SPTBN2: variants seen among roughly 807,000 people sequenced by gnomAD.
SPTBN2 encodes the protein spectrin beta chain, non-erythrocytic 2.
A neutral mutation model predicts 284.2 loss-of-function variants in SPTBN2; 107 were observed. The observed-to-expected ratio is 0.38, with a 90% CI of 0.32 to 0.44. The LOEUF (loss-of-function observed/expected upper bound fraction) is 0.44, where lower values mean the gene tolerates loss of function less well. Among genes scored for constraint, SPTBN2 ranks in the 20% least tolerant of loss-of-function variants. The probability of loss-of-function intolerance (pLI) is 1.00; values close to 1 mark genes in which losing one functional copy is unlikely to be tolerated. For missense variants in SPTBN2, 2,569 were observed against 3,287.1 expected, an observed-to-expected ratio of 0.78 and a Z score of 5.34; for synonymous variants, 1,289 against 1,354.8, an observed-to-expected ratio of 0.95 and a Z score of 1.07.
chr11:66,693,940 C>A lies in SPTBN2; in HGVS notation c.4504-79G>T. 7.1e-7 allele frequency: 1 copy of A among 1,415,148 alleles called. No individual in the cohort carries two copies. Among genetic ancestry groups the A allele is most frequent in the Non-Finnish European group, 9.8e-7 (1 of 1,020,280 alleles). The allele number at this position is 1,415,148 out of a possible 1,614,324, so 87.7% of individuals were successfully genotyped here. On this transcript the variant is annotated intron_variant, in intron 22 of 37. Coordinates refer to ENST00000533211, the MANE Select transcript of SPTBN2 (RefSeq NM_006946.4). This position sits in a 1 kb window ranked among gnomAD's most constrained non-coding sequence, Gnocchi z 5.7. ...GGACTGATTAGTGGGAGTGGGGACA[C>A]CTGGGGCTACCGCCCTGTGTGTGGG...
chr11:66,701,826 G>A (rs1289568721), intron 15 of SPTBN2, 105 bp from the exon 16 acceptor site: 1 of 1,533,128 alleles, frequency 6.5e-7, no homozygotes, highest in Non-Finnish European at 8.9e-7. Flanking sequence ...TCCTTCACCA[G>A]GAGGCTTATC....
In SPTBN2 at chr11:66,685,995, G is replaced by A; in HGVS notation, c.7049C>T (p.Thr2350Ile). 1 of 1,613,766 alleles carries A rather than the reference G, an allele frequency of 6.2e-7. No homozygotes were observed. Among genetic ancestry groups the A allele is most frequent in the East Asian group, 2.2e-5 (1 of 44,884 alleles). ...CACTGGGGGCATGGTCATGGCCCGG[G>A]TCATGCCCCGGGTGGTGCTGGGCAC... Reference protein sequence around the residue: ...PVVPSTTRGMTRAMTMPPVSP... With the variant: ...PVVPSTTRGMIRAMTMPPVSP... Residue 2350 changes from threonine (T) to isoleucine (I), a missense_variant, in exon 38 of 38, where the codon ACC (threonine) becomes ATC (isoleucine). Thr to Ile is a moderately conservative substitution (Grantham distance 89). Transcript: ENST00000533211. This position sits in a 1 kb window ranked among gnomAD's most constrained non-coding sequence, Gnocchi z 4.4.
At position 66,687,800 on chromosome 11, in the gene SPTBN2, C is replaced by A. The variant is rs113700455; in HGVS notation, c.6501+68G>T. The A allele has an allele frequency of 6.2e-7, 1 of 1,606,062 alleles. No homozygotes were observed. Among genetic ancestry groups the A allele is most frequent in the East Asian group, 2.2e-5 (1 of 44,832 alleles). On this transcript the variant is annotated intron_variant, in intron 34 of 37. Coordinates refer to ENST00000533211, the MANE Select transcript of SPTBN2 (RefSeq NM_006946.4). The surrounding 1 kb of genome is among the most constrained non-coding windows in gnomAD (Gnocchi z 5.2). ...ATCCCATCCCCAGTACTCCCCCACC[C>A]GCACTCACCACCCCCTCTGGACCCT...
intron 1 of SPTBN2, among the ~76,000 whole-genome samples, chr11:66,737,322 ATACAAAAC>A (rs1942857272): frequency 6.6e-6 from 1 of 152,246 alleles, no homozygotes; most frequent in African/African-American, 2.4e-5. Context: ...GATTTGATTC[ATACAAAAC>A]TTGGCTTATA....
At chr11:66,713,371 A>G (rs1941979307) in intron 8 of SPTBN2, among the ~76,000 whole-genome samples, 1 of 151,446 alleles carries the variant, frequency 6.6e-6, no homozygotes, top group Non-Finnish European at 1.5e-5. Flanking sequence ...GGCTGGTACC[A>G]AACTCCTAGG....
At position 66,699,576 on chromosome 11, in the gene SPTBN2, C is replaced by T; in HGVS notation, c.3606G>A (p.Gly1202=). 2 of 1,614,152 alleles carry T rather than the reference C, an allele frequency of 1.2e-6. No homozygotes were observed. The highest frequency in any genetic ancestry group is 1.7e-6 in the Non-Finnish European group (2 of 1,180,042). Reference sequence around the variant, plus strand: ...TGGCAGCATCAGCAGCCTGGAGTGTCCCTGGCATCTCCGTGTGAGACAGAA... The same window carrying T: ...TGGCAGCATCAGCAGCCTGGAGTGTTCCTGGCATCTCCGTGTGAGACAGAA... ...EYVLSHTEMP[G]TLQAADAAIK... The change falls in exon 18 of 38, where the codon GGG becomes GGA. Residue 1202 remains glycine (G), a synonymous_variant. Coordinates refer to ENST00000533211, the MANE Select transcript of SPTBN2 (RefSeq NM_006946.4).
chr11:66,737,522 TG>T (rs1268045803), intron 1 of SPTBN2, among the ~76,000 whole-genome samples: 1 of 152,150 alleles, frequency 6.6e-6, no homozygotes, highest in Non-Finnish European at 1.5e-5. Context: ...GACCAATGGG[TG>T]GAAGACATGG....
In SPTBN2 at chr11:66,699,433, C is replaced by T. The variant is rs145948524; in HGVS notation, c.3749G>A (p.Arg1250Gln). The T allele has an allele frequency of 3.3e-5, 53 of 1,613,956 alleles. No individual in the cohort carries two copies. In the Admixed American group the frequency reaches 6.7e-4, roughly 20 times the overall value. The part of the protein sequence containing the change: ...SEGNIHADKI[R>Q]EKADSIERRH... ...CCTCTCAATGGAGTCTGCCTTTTCC[C>T]GAATCTTGTCGGCGTGGATGTTGCC... Residue 1250 changes from arginine to glutamine, a missense_variant, in exon 18 of 38, where the codon CGG becomes CAG. Transcript: ENST00000533211.
At chr11:66,690,710 A>G (rs1467860892) in intron 27 of SPTBN2, among the ~76,000 whole-genome samples, 1 of 152,242 alleles carries the variant, frequency 6.6e-6, no homozygotes, top group Non-Finnish European at 1.5e-5. Context: ...GATTTAGCGC[A>G]GCATGAAGAG....
rs965893983 is a variant in SPTBN2, at chr11:66,685,870, A to G, written c.*1T>C. 8.7e-6 allele frequency: 14 copies of G among 1,613,570 alleles called. No homozygotes were observed. Among genetic ancestry groups the G allele is most frequent in the Admixed American group, 3.3e-5 (2 of 59,998 alleles). On this transcript the variant is annotated 3_prime_UTR_variant, in exon 38 of 38. Coordinates refer to ENST00000533211, the MANE Select transcript of SPTBN2 (RefSeq NM_006946.4). The surrounding 1 kb of genome is among the most constrained non-coding windows in gnomAD (Gnocchi z 4.4). ...GAGTTGGCCTGGGACCTTGCCCCCA[A>G]CTACTTGTTCTTCTTAAAGAAGCTG...
chr11:66,713,274 A>G (rs1222532253), intron 8 of SPTBN2, among the ~76,000 whole-genome samples: 1 of 151,844 alleles, frequency 6.6e-6, no homozygotes, highest in African/African-American at 2.4e-5. Context: ...CAACCTTTCA[A>G]TGTATATAAT....
chr11:66,690,297 G>T lies in SPTBN2; in HGVS notation c.5566-14C>A. On this transcript the variant is annotated splice_polypyrimidine_tract_variant and intron_variant, in intron 27 of 37. Transcript: ENST00000533211. The stretch of plus-strand genomic sequence containing the variant: ...CACCTGCTGGACCTGCGGAGCCCCG[G>T]GTCAGAGTCAGGCAGAGCGGGGGAC... 1 of 1,598,252 alleles carries T rather than the reference G, an allele frequency of 6.3e-7. No individual in the cohort carries two copies. The highest frequency in any genetic ancestry group is 8.5e-7 in the Non-Finnish European group (1 of 1,174,276).
chr11:66,687,398 T>G lies in SPTBN2; in HGVS notation c.6722+29A>C, dbSNP rs1287766121. On this transcript the variant is annotated intron_variant, in intron 35 of 37. Coordinates refer to ENST00000533211, the MANE Select transcript of SPTBN2 (RefSeq NM_006946.4). The surrounding 1 kb of genome is among the most constrained non-coding windows in gnomAD (Gnocchi z 5.2). ...GGGCAGAGGCTCTGGGGAAGTGCCC[T>G]CTGAGAGCAGGCTCCAGAGAGGCTG... 6.2e-7 allele frequency: 1 copy of G among 1,600,956 alleles called. No homozygotes were observed. Among genetic ancestry groups the G allele is most frequent in the African/African-American group, 1.3e-5 (1 of 74,884 alleles).
intron 18 of SPTBN2, 30 bp downstream of exon 18, chr11:66,699,376 A>G: frequency 6.2e-7 from 1 of 1,609,576 alleles, no homozygotes. Context: ...CCCCCTGGGA[A>G]CCCTAATTCA....
At position 66,687,411 on chromosome 11, in the gene SPTBN2, T is replaced by G; in HGVS notation, c.6722+16A>C. ...GGGGAAGTGCCCTCTGAGAGCAGGCTCCAGAGAGGCTGTACCTGTTGGCAG... is the reference window on the plus strand; with the variant it reads ...GGGGAAGTGCCCTCTGAGAGCAGGCGCCAGAGAGGCTGTACCTGTTGGCAG... On this transcript the variant is annotated intron_variant, in intron 35 of 37. Coordinates refer to ENST00000533211, the MANE Select transcript of SPTBN2 (RefSeq NM_006946.4). The surrounding 1 kb of genome is among the most constrained non-coding windows in gnomAD (Gnocchi z 5.2). The G allele has an allele frequency of 1.2e-6, 2 of 1,603,258 alleles. No individual in the cohort carries two copies. Among genetic ancestry groups the G allele is most frequent in the Non-Finnish European group, 1.7e-6 (2 of 1,179,596 alleles).
At position 66,693,025 on chromosome 11, in the gene SPTBN2, T is replaced by C. The variant is rs1392898209; in HGVS notation, c.4930A>G (p.Ile1644Val). Residue 1644 changes from isoleucine to valine, a missense_variant, in exon 25 of 38, where the codon ATC (isoleucine) becomes GTC (valine). Ile to Val is a conservative substitution (Grantham distance 29). Coordinates refer to ENST00000533211, the MANE Select transcript of SPTBN2 (RefSeq NM_006946.4). This position sits in a 1 kb window ranked among gnomAD's most constrained non-coding sequence, Gnocchi z 5.7. ...EQALADYAQT[I>V]HQLAASSQDM... ...TGGCTGCTGGCCGCCAGCTGGTGGA[T>C]GGTCTGCGCGTAGTCGGCCAGGGCT... 6.2e-7 allele frequency: 1 copy of C among 1,612,458 alleles called. No homozygotes were observed.
intron 1 of SPTBN2, among the ~76,000 whole-genome samples, chr11:66,726,573 T>A (rs1942628205): frequency 6.6e-6 from 1 of 152,152 alleles, no homozygotes; most frequent in South Asian, 2.1e-4. Flanking sequence ...AGCTTCTAGG[T>A]CTGCTCAGGC....
At chr11:66,689,689 G>A in intron 29 of SPTBN2, 116 bp downstream of exon 29, 1 of 1,486,472 alleles carries the variant, frequency 6.7e-7, no homozygotes, top group South Asian at 1.1e-5. Flanking sequence ...TGGCACTGAG[G>A]GGAGAGAATG....
At chr11:66,721,552 G>A (rs561480573) in intron 1 of SPTBN2, 112 bp from the exon 2 acceptor site, 11 of 433,966 alleles carry the variant, frequency 2.5e-5, no homozygotes, top group South Asian at 6.2e-5. Context: ...AGAGAGGGAC[G>A]GGTTTGCGGG....
Sources: allele counts gnomAD v4.1 joint callset (sites outside exome capture counted in the v4.1 genomes callset), GRCh38; gene constraint gnomAD v4.1.1; non-coding constraint Gnocchi (gnomAD v3.1); transcripts MANE v1.5; gene names NCBI Gene and HGNC (gene_info 2026-07-23, HGNC 2026-07-21).